DPYD: variants seen among roughly 807,000 people sequenced by gnomAD.
DPYD encodes dihydropyrimidine dehydrogenase, also known as dihydropyrimidine dehydrogenase [NADP(+)].
Under a neutral mutation model 116.2 loss-of-function variants are expected in DPYD, and 109 were observed. The observed-to-expected ratio is 0.94, with a 90% CI of 0.80 to 1.10. The LOEUF (loss-of-function observed/expected upper bound fraction) is 1.10. Ranked by LOEUF, DPYD falls within the 50% of genes least tolerant of loss-of-function variation. The pLI is 0.00. For missense variants in DPYD, 1,302 were observed against 1,254.5 expected (o/e 1.04, Z -0.57); for synonymous variants, 440 against 432.0 (o/e 1.02, Z -0.23).
intron 3 of DPYD, among the ~76,000 whole-genome samples, chr1:97,777,440 C>T (rs190539180): frequency 1.4e-3 from 212 of 152,244 alleles, no homozygotes; most frequent in African/African-American, 4.8e-3. Context: ...TTAGCAAATT[C>T]ATAACACAAA....
chr1:97,140,800 G>A (rs1654160256), intron 20 of DPYD, among the ~76,000 whole-genome samples: 2 of 152,116 alleles, frequency 1.3e-5, no homozygotes, highest in African/African-American at 2.4e-5. Flanking sequence ...TCTAATGTCT[G>A]GAAGTGATCA....
intron 7 of DPYD, among the ~76,000 whole-genome samples, chr1:97,690,929 G>A (rs1571197408): frequency 6.6e-6 from 1 of 151,808 alleles, no homozygotes; most frequent in African/African-American, 2.4e-5. Flanking sequence ...AAGTTTTACT[G>A]GTAAATGCAA....
chr1:97,270,878 T>C (rs1281543678), intron 18 of DPYD, among the ~76,000 whole-genome samples: 2 of 152,330 alleles, frequency 1.3e-5, no homozygotes, highest in South Asian at 2.1e-4. Context: ...CAAGTGTTTA[T>C]TGAGTGCCTA....
chr1:97,891,427 A>C (rs201695638), intron 1 of DPYD, among the ~76,000 whole-genome samples: 1 of 151,856 alleles, frequency 6.6e-6, no homozygotes, highest in Non-Finnish European at 1.5e-5. Context: ...ACGCAGAAAA[A>C]AAAATTAGAA....
chr1:97,380,791 C>T (rs11165852), intron 15 of DPYD, among the ~76,000 whole-genome samples: 150,397 of 152,284 alleles, frequency 0.99, 74,312 homozygotes, highest in Middle Eastern at 1. Context: ...TTTGTTTTAA[C>T]GTGGGTTTTT....
chr1:97,323,580 CATATCATATATACATATAT>C (rs1668517758), intron 16 of DPYD, among the ~76,000 whole-genome samples: 1 of 80,672 alleles, frequency 1.2e-5, no homozygotes, highest in African/African-American at 4.7e-5. Flanking sequence ...CGTATATATA[CATATCATATATACATATAT>C]GTGTATATAT....
intron 18 of DPYD, among the ~76,000 whole-genome samples, chr1:97,264,254 T>C (rs1325960882): frequency 6.8e-6 from 1 of 148,116 alleles, no homozygotes; most frequent in African/African-American, 2.5e-5. Flanking sequence ...CCTCAAATTC[T>C]TGGGCTCAAG....
chr1:97,684,911 G>T (rs997409567), intron 7 of DPYD, among the ~76,000 whole-genome samples: 2 of 152,076 alleles, frequency 1.3e-5, no homozygotes, highest in African/African-American at 4.8e-5. Flanking sequence ...AATTCTACCA[G>T]AATTACAAAT....
intron 6 of DPYD, among the ~76,000 whole-genome samples, chr1:97,697,633 A>G (rs1368283867): frequency 6.6e-6 from 1 of 152,088 alleles, no homozygotes; most frequent in Admixed American, 6.5e-5. Flanking sequence ...TAACAACTTT[A>G]AAAGAAAAAC....
chr1:97,160,211 T>C (rs1655788133), intron 20 of DPYD, among the ~76,000 whole-genome samples: 1 of 152,004 alleles, frequency 6.6e-6, no homozygotes, highest in Non-Finnish European at 1.5e-5. Context: ...GGACATGGAA[T>C]TAAAGCAGAA....
chr1:97,787,476 TGAA>T (rs1667104995), intron 3 of DPYD, among the ~76,000 whole-genome samples: 1 of 152,126 alleles, frequency 6.6e-6, no homozygotes, highest in Non-Finnish European at 1.5e-5. Context: ...CTGTAATACG[TGAA>T]GAAGAAGAAA....
rs533037099 is a variant in DPYD, at chr1:97,825,732, T to C, written c.233+2382A>G. ...CGCATGTATACATATGTAACTAACC[T>C]GCACGTTGTGCACATGTACCCTAGA... is the stretch of plus-strand genomic sequence containing the variant. On this transcript the variant is annotated intron_variant, in intron 3 of 22. Coordinates refer to ENST00000370192, the MANE Select transcript of DPYD (RefSeq NM_000110.4). Among the ~76,000 whole-genome samples the C allele has an allele frequency of 2.0e-5, 3 of 151,686 alleles. No individual in the cohort carries two copies. The East Asian group carries it at 5.9e-4, about 30-fold the overall frequency.
intron 1 of DPYD, among the ~76,000 whole-genome samples, chr1:97,916,627 C>T (rs1185471062): frequency 1.3e-5 from 2 of 152,158 alleles, no homozygotes; most frequent in African/African-American, 4.8e-5. Flanking sequence ...TAAGATTAAG[C>T]AGATCCAATC....
intron 13 of DPYD, among the ~76,000 whole-genome samples, chr1:97,484,107 C>T (rs998446639): frequency 6.6e-6 from 1 of 152,290 alleles, no homozygotes; most frequent in Non-Finnish European, 1.5e-5. Flanking sequence ...GAGTTTGAGA[C>T]CAGCCTGGCC....
chr1:97,699,264 C>G, intron 6 of DPYD, 87 bp downstream of exon 6: 1 of 1,323,472 alleles, frequency 7.6e-7, no homozygotes, highest in African/African-American at 1.5e-5. Context: ...GCCTGAAGTT[C>G]CTATATGATT....
intron 14 of DPYD, among the ~76,000 whole-genome samples, chr1:97,398,402 A>G (rs1673140073): frequency 6.6e-6 from 1 of 152,160 alleles, no homozygotes; most frequent in Non-Finnish European, 1.5e-5. Flanking sequence ...TGCCACATTA[A>G]ACATATGTGT....
chr1:97,869,020 A>G lies in DPYD; in HGVS notation c.150+14244T>C, dbSNP rs145650229. ...AGCTTCTTTTTCTATGACTGCCTCT[A>G]TCTTCTCTCTCCTCAGCCTGGCCTT... On this transcript the variant is annotated intron_variant, in intron 2 of 22. Transcript: ENST00000370192. Among the ~76,000 whole-genome samples the G allele has an allele frequency of 2.9e-3, 437 of 151,920 alleles. 3 individuals carry two copies. Among genetic ancestry groups the G allele is most frequent in the Admixed American group, 4.8e-3 (73 of 15,212 alleles).
At chr1:97,400,065 G>A (rs1570670531) in intron 14 of DPYD, among the ~76,000 whole-genome samples, 1 of 152,266 alleles carries the variant, frequency 6.6e-6, no homozygotes, top group Non-Finnish European at 1.5e-5. Flanking sequence ...TGCCCATTCA[G>A]TATGATATTG....
chr1:97,560,868 A>G (rs879269592), intron 11 of DPYD, among the ~76,000 whole-genome samples: 2 of 152,154 alleles, frequency 1.3e-5, no homozygotes, highest in African/African-American at 2.4e-5. Context: ...AACATAAAGG[A>G]TAAGAATGAA....
Sources: allele counts gnomAD v4.1 joint callset (sites outside exome capture counted in the v4.1 genomes callset), GRCh38; gene constraint gnomAD v4.1.1; transcripts MANE v1.5; gene names NCBI Gene and HGNC (gene_info 2026-07-23, HGNC 2026-07-21).